The following CAST variants were observed in gnomAD, a reference collection of about 807,000 sequenced individuals.
CAST encodes calpastatin.
CAST carries 76 observed loss-of-function variants against 119.6 expected under a neutral mutation model. The ratio of observed to expected loss-of-function variants is 0.64; its 90% CI spans 0.53 to 0.77. The LOEUF (loss-of-function observed/expected upper bound fraction) is 0.77, where lower values mean the gene tolerates loss of function less well. Among genes scored for constraint, CAST ranks in the 30% least tolerant of loss-of-function variants. CAST has a pLI of 0.00. For missense variants in CAST, 953 were observed against 946.5 expected (o/e 1.01, Z -0.09); for synonymous variants, 319 against 331.6 (o/e 0.96, Z 0.41).
chr5:96,588,127 C>T (rs768141974), intron 1 of CAST, among the ~76,000 whole-genome samples: 1 of 148,684 alleles, frequency 6.7e-6, no homozygotes, highest in Non-Finnish European at 1.5e-5. Flanking sequence ...ATAAACAAAA[C>T]TGATGCAATT....
At chr5:96,763,038 A>G in intron 25 of CAST, 1 of 731,356 alleles carries the variant, frequency 1.4e-6, no homozygotes, top group Non-Finnish European at 2.5e-6. Flanking sequence ...CAAATTATAA[A>G]GGGATTGCCC....
At chr5:96,491,363 C>T in the CAST span, among the ~76,000 whole-genome samples, 6 of 149,810 alleles carry the variant, frequency 4.0e-5, no homozygotes, top group South Asian at 2.1e-4. Flanking sequence ...TGGTGGCGGG[C>T]GCCTGTAGTC....
At chr5:96,274,538 G>C in the CAST span, among the ~76,000 whole-genome samples, 1 of 152,188 alleles carries the variant, frequency 6.6e-6, no homozygotes, top group Non-Finnish European at 1.5e-5. Context: ...TTTTGGAACA[G>C]ACTTCAATAA....
intron 3 of CAST, among the ~76,000 whole-genome samples, chr5:96,721,349 T>C (rs1464539690): frequency 2.6e-5 from 4 of 152,204 alleles, no homozygotes; most frequent in Admixed American, 6.5e-5. Flanking sequence ...CAAGCATCAA[T>C]GTGTTCTGCA....
At chr5:96,450,999 G>A in the CAST span, among the ~76,000 whole-genome samples, 4,698 of 152,210 alleles carry the variant, frequency 0.031, 217 homozygotes, top group African/African-American at 0.1. Flanking sequence ...GGGATGTCCT[G>A]CTTCTACAGA....
chr5:96,331,804 C>G, the CAST span, among the ~76,000 whole-genome samples: 1 of 152,178 alleles, frequency 6.6e-6, no homozygotes, highest in East Asian at 1.9e-4. Context: ...GAAGGCTTTT[C>G]AATGCAGAGA....
chr5:96,098,499 A>G, the CAST span, among the ~76,000 whole-genome samples: 11 of 152,094 alleles, frequency 7.2e-5, no homozygotes, highest in Non-Finnish European at 1.5e-4. Context: ...TAATTTTTGT[A>G]TGTGGTGTAA....
At chr5:96,489,949 C>T in the CAST span, among the ~76,000 whole-genome samples, 1 of 152,212 alleles carries the variant, frequency 6.6e-6, no homozygotes, top group Non-Finnish European at 1.5e-5. Flanking sequence ...CTAGAAGTCA[C>T]TTCTATGTAA....
At chr5:96,735,977 A>G (rs1346738072) in intron 9 of CAST, among the ~76,000 whole-genome samples, 195 bp from the exon 10 acceptor site, 1 of 152,250 alleles carries the variant, frequency 6.6e-6, no homozygotes, top group Non-Finnish European at 1.5e-5. Context: ...TGCTTTGCCC[A>G]TCACTAAATG....
chr5:96,526,896 A>G (rs1315782628), upstream of CAST, among the ~76,000 whole-genome samples: 2 of 152,184 alleles, frequency 1.3e-5, no homozygotes, highest in African/African-American at 4.8e-5. Flanking sequence ...TTCAATGTTT[A>G]AAGGGCAAAG....
chr5:96,668,809 T>TAAA (rs34079986), intron 1 of CAST, among the ~76,000 whole-genome samples: 2 of 144,276 alleles, frequency 1.4e-5, no homozygotes, highest in African/African-American at 5.0e-5. Flanking sequence ...GTTACCCAGG[T>TAAA]AAAAAAAAAA....
At chr5:96,042,604 T>C in the CAST span, among the ~76,000 whole-genome samples, 1 of 152,206 alleles carries the variant, frequency 6.6e-6, no homozygotes, top group East Asian at 1.9e-4. Context: ...TAAATCTTTT[T>C]AGTGGAGCCT....
the CAST span, among the ~76,000 whole-genome samples, chr5:96,186,909 G>C: frequency 1.3e-5 from 2 of 152,186 alleles, no homozygotes; most frequent in Non-Finnish European, 1.5e-5. Flanking sequence ...ATTTGGAATA[G>C]TATCAGTAGA....
At chr5:96,655,428 T>TTTA (rs1748145413) in intron 1 of CAST, among the ~76,000 whole-genome samples, 1 of 152,212 alleles carries the variant, frequency 6.6e-6, no homozygotes, top group Admixed American at 6.5e-5. Context: ...GTACCTATTC[T>TTTA]TTATCTTCTC....
chr5:96,213,700 G>A, the CAST span: 3 of 152,004 alleles, frequency 2.0e-5, no homozygotes, highest in African/African-American at 7.3e-5. Context: ...CCAACGTGGG[G>A]GAATCTCTTG....
the CAST span, among the ~76,000 whole-genome samples, chr5:96,020,621 A>G: frequency 1.3e-5 from 2 of 152,196 alleles, no homozygotes; most frequent in Admixed American, 6.5e-5. Context: ...CTTTGCGAGA[A>G]TCTAATGCTT....
intron 3 of CAST, among the ~76,000 whole-genome samples, chr5:96,707,665 C>G (rs1354440098): frequency 6.6e-6 from 1 of 152,160 alleles, no homozygotes. Context: ...ATGAACTAAA[C>G]CAACTGATGT....
At chr5:96,590,655 A>G (rs1746946262) in intron 1 of CAST, among the ~76,000 whole-genome samples, 1 of 152,226 alleles carries the variant, frequency 6.6e-6, no homozygotes. Flanking sequence ...AGTAAATAGA[A>G]GTAGGAAGTC....
chr5:96,282,046 T>C, the CAST span, among the ~76,000 whole-genome samples: 18 of 152,186 alleles, frequency 1.2e-4, 1 homozygote, highest in South Asian at 3.7e-3. Flanking sequence ...GATCACTTTC[T>C]GGGGTGGTTT....
Sources: gnomAD v4.1 joint callset for allele counts (sites outside exome capture counted in the v4.1 genomes callset) on GRCh38, gnomAD v4.1.1 for gene constraint, MANE v1.5 for transcripts, NCBI Gene and HGNC (gene_info 2026-07-23, HGNC 2026-07-21) for gene names.